Variants in WDR59 observed in about 807,000 individuals in gnomAD.
The protein encoded by WDR59 is GATOR2 complex protein WDR59.
Under a neutral mutation model 131.2 loss-of-function variants are expected in WDR59, and 100 were observed. The observed-to-expected ratio is 0.76, with a 90% confidence interval of 0.65 to 0.90. The LOEUF is 0.90. WDR59 is among the 40% of genes least tolerant of loss of function. WDR59 has a pLI of 0.00. For missense variants in WDR59, 1,203 were observed against 1,262.2 expected, an observed-to-expected ratio of 0.95 and a Z score of 0.71; for synonymous variants, 601 against 466.2, an observed-to-expected ratio of 1.29 and a Z score of -3.72.
Position 74,923,859 on chromosome 16 carries a change from C to A in WDR59, c.729+67G>T. 4.3e-6 allele frequency: 6 copies of A among 1,396,634 alleles called. No individual in the cohort carries two copies. In the South Asian group the frequency reaches 6.3e-5, roughly 15 times the overall value. 86.5% of individuals were successfully genotyped at this position (1,396,634 alleles called of 1,614,324 possible). The stretch of plus-strand genomic sequence containing the variant: ...ACAAAGAAAATAAGAGAAAATGTCC[C>A]CGGGCTCCTTCTTTTTGGAACACCC... On this transcript the variant is annotated intron_variant, in intron 9 of 25. Transcript: ENST00000262144.
chr16:74,888,626 T>C (rs956272225), intron 21 of WDR59, among the ~76,000 whole-genome samples: 1 of 152,208 alleles, frequency 6.6e-6, no homozygotes, highest in African/African-American at 2.4e-5. Flanking sequence ...AAGAACTAAG[T>C]GGACTAACCT....
chr16:74,956,354 C>A, intron 3 of WDR59, 121 bp downstream of exon 3: 2 of 1,333,328 alleles, frequency 1.5e-6, no homozygotes, highest in Non-Finnish European at 2.0e-6. Context: ...TCAGAACCAT[C>A]CAAACCTCTT....
At chr16:74,894,969 C>T (rs112498622) in intron 18 of WDR59, among the ~76,000 whole-genome samples, 2,178 of 152,222 alleles carry the variant, frequency 0.014, 52 homozygotes, top group African/African-American at 0.047. Flanking sequence ...TTAAATTGGA[C>T]CATTATTTAG....
At position 74,921,985 on chromosome 16, in the gene WDR59, T is replaced by A. The variant is rs2030281028; in HGVS notation, c.848A>T (p.Asp283Val). The change falls in exon 10 of 26, where the codon GAT becomes GTT. Residue 283 changes from aspartate (D) to valine (V), a missense_variant. By Grantham distance (152) the Asp-to-Val change is radical. Coordinates refer to ENST00000262144, the MANE Select transcript of WDR59 (RefSeq NM_030581.4). The part of the protein sequence containing the change: ...TPVHTFVGHD[D>V]VVLEFQWRKQ... Reference sequence around the variant, plus strand: ...CCTCCACTGGAACTCCAGGACCACATCATCATGCCCCACGAAGGTGTGGAC... The same window carrying A: ...CCTCCACTGGAACTCCAGGACCACAACATCATGCCCCACGAAGGTGTGGAC... 1 of 1,613,976 alleles carries A rather than the reference T, an allele frequency of 6.2e-7. No homozygotes were observed. Among genetic ancestry groups the A allele is most frequent in the Non-Finnish European group, 8.5e-7 (1 of 1,180,028 alleles).
rs185646034 is a variant in WDR59 at position 74,967,718 on chromosome 16, G to C, written c.55-1896C>G. The stretch of plus-strand genomic sequence containing the variant: ...TACTAAAAATACAAAAATTAGCCGG[G>C]CATGGTGGCAGGCACCTGTAATCCC... On this transcript the variant is annotated intron_variant, in intron 1 of 25. Coordinates refer to ENST00000262144, the MANE Select transcript of WDR59 (RefSeq NM_030581.4). Among the ~76,000 whole-genome samples, 232 of 152,124 alleles carry C rather than the reference G, an allele frequency of 1.5e-3. 1 individual carries two copies. The highest frequency in any genetic ancestry group is 5.2e-3 in the African/African-American group (214 of 41,522).
chr16:74,901,561 C>T (rs896417845), intron 18 of WDR59, among the ~76,000 whole-genome samples: 1 of 150,808 alleles, frequency 6.6e-6, no homozygotes, highest in African/African-American at 2.4e-5. Flanking sequence ...AAGGATCACT[C>T]GAGCCCAGGA....
rs1253506305 is a variant in WDR59 at position 74,979,874 on chromosome 16, A to G, written c.54+5090T>C. Among the ~76,000 whole-genome samples, 9 of 95,100 alleles carry G rather than the reference A, an allele frequency of 9.5e-5. No individual in the cohort carries two copies. The East Asian group carries it at 3.4e-3, about 36-fold the overall frequency. 62.4% of individuals were successfully genotyped at this position (95,100 alleles called of 152,430 possible). ...TTTTTTTTTTTTTTCTTTGAGACAG[A>G]GCTTCACCTTGTCACCCAAGCTGGA... On this transcript the variant is annotated intron_variant, in intron 1 of 25. Coordinates refer to ENST00000262144, the MANE Select transcript of WDR59 (RefSeq NM_030581.4).
intron 1 of WDR59, among the ~76,000 whole-genome samples, chr16:74,984,443 C>A (rs911856573): frequency 7.2e-5 from 11 of 152,192 alleles, no homozygotes; most frequent in Non-Finnish European, 1.3e-4. Flanking sequence ...CGTGCAGTGT[C>A]ACTCCTATCC....
intron 8 of WDR59, among the ~76,000 whole-genome samples, chr16:74,927,908 C>CTTTCT (rs2030996782): frequency 8.0e-6 from 1 of 124,492 alleles, no homozygotes; most frequent in South Asian, 2.7e-4. Flanking sequence ...TTCTTTCTTT[C>CTTTCT]TTTTTTTTTT....
At chr16:74,949,648 C>T in intron 5 of WDR59, 70 bp downstream of exon 5, 1 of 1,403,344 alleles carries the variant, frequency 7.1e-7, no homozygotes, top group Non-Finnish European at 1.0e-6. Flanking sequence ...CAAACTAAGA[C>T]ACTTGATCTC....
chr16:74,893,621 A>G (rs1184550846), intron 19 of WDR59, 58 bp downstream of exon 19: 1 of 1,522,446 alleles, frequency 6.6e-7, no homozygotes, highest in East Asian at 2.3e-5. Context: ...AAAAAAAAAA[A>G]AGTTTTGCTA....
At chr16:74,943,046 T>C (rs1241704202) in intron 6 of WDR59, among the ~76,000 whole-genome samples, 3 of 151,976 alleles carry the variant, frequency 2.0e-5, no homozygotes, top group South Asian at 4.1e-4. Context: ...ATTGAGGAAA[T>C]AATCTCAGGG....
chr16:74,881,189 G>T (rs1009580512), intron 25 of WDR59, among the ~76,000 whole-genome samples: 1 of 152,114 alleles, frequency 6.6e-6, no homozygotes, highest in African/African-American at 2.4e-5. Context: ...ATGAAACCAT[G>T]AGCCCCGTCT....
chr16:74,908,772 CAAAT>C, intron 17 of WDR59, 132 bp downstream of exon 17: 1 of 632,526 alleles, frequency 1.6e-6, no homozygotes, highest in Non-Finnish European at 2.7e-6. Flanking sequence ...CAATCTTTCT[CAAAT>C]AAATCTTATA....
In WDR59 at chr16:74,916,362, G is replaced by A. The variant is rs1440584731; in HGVS notation, c.967-103C>T. 7 of 1,457,004 alleles carry A rather than the reference G, an allele frequency of 4.8e-6. No individual in the cohort carries two copies. In the South Asian group the frequency reaches 8.3e-5, roughly 17 times the overall value. The allele number at this position is 1,457,004 out of a possible 1,614,324, so 90.3% of individuals were successfully genotyped here. A position where few individuals can be genotyped will look rare whatever the true frequency, so the allele number is the denominator to read the frequency against. ...TTAAAAATGGGAAGGGCAAAGGATG[G>A]GGATGTGTCAGCCAAGAGCTGACAT... On this transcript the variant is annotated intron_variant, in intron 11 of 25. Transcript: ENST00000262144.
At chr16:74,904,813 T>C (rs1965720374) in intron 17 of WDR59, among the ~76,000 whole-genome samples, 2 of 152,086 alleles carry the variant, frequency 1.3e-5, no homozygotes, top group African/African-American at 2.4e-5. Context: ...AAAGGATAAA[T>C]AGATCAAAGG....
intron 6 of WDR59, among the ~76,000 whole-genome samples, chr16:74,945,442 A>C (rs148162702): frequency 0.064 from 9,715 of 151,910 alleles, 462 homozygotes; most frequent in African/African-American, 0.12. Flanking sequence ...ATGCCACTGC[A>C]CTCCAGCCTG....
rs777464322 is a variant in WDR59 at position 74,886,256 on chromosome 16, G to A, written c.2546+14C>T. ...AGTCCTGGCATTGCAGCTCTCACCT[G>A]GGAGGGTGGTTACCTTTTATTTTTA... On this transcript the variant is annotated intron_variant, in intron 24 of 25. Coordinates refer to ENST00000262144, the MANE Select transcript of WDR59 (RefSeq NM_030581.4). 63 of 1,606,422 alleles carry A rather than the reference G, an allele frequency of 3.9e-5. No individual in the cohort carries two copies. Among genetic ancestry groups the A allele is most frequent in the Non-Finnish European group, 5.2e-5 (61 of 1,175,182 alleles).
At chr16:74,950,140 G>A (rs1003649629) in intron 4 of WDR59, among the ~76,000 whole-genome samples, 1 of 152,022 alleles carries the variant, frequency 6.6e-6, no homozygotes, top group Admixed American at 6.6e-5. Context: ...TCACAAGTTC[G>A]AGACCAGCCT....
Sources: gnomAD v4.1 joint callset for allele counts (sites outside exome capture counted in the v4.1 genomes callset) on GRCh38, gnomAD v4.1.1 for gene constraint, MANE v1.5 for transcripts, NCBI Gene and HGNC (gene_info 2026-07-23, HGNC 2026-07-21) for gene names.